The following LHFPL4 variants were observed in gnomAD, a reference collection of about 807,000 sequenced individuals.
The protein encoded by LHFPL4 is LHFPL tetraspan subfamily member 4.
LHFPL4 carries 6 observed loss-of-function variants against 20.0 expected under a neutral mutation model. That is an observed-to-expected ratio of 0.30 (90% CI 0.16 to 0.59). The LOEUF (loss-of-function observed/expected upper bound fraction) is 0.59, where lower values mean the gene tolerates loss of function less well. LHFPL4 is among the 20% of genes least tolerant of loss of function. The pLI, the probability that LHFPL4 is intolerant of heterozygous loss-of-function variation, is 0.88. For missense variants in LHFPL4, 215 were observed against 331.2 expected, an observed-to-expected ratio of 0.65 and a Z score of 2.72; for synonymous variants, 129 against 143.8, an observed-to-expected ratio of 0.90 and a Z score of 0.74.
chr3:9,512,941 AT>A (rs1286588259), intron 2 of LHFPL4, among the ~76,000 whole-genome samples: 1 of 151,128 alleles, frequency 6.6e-6, no homozygotes, highest in East Asian at 1.9e-4. Context: ...ACTCTAGGAC[AT>A]TTTTTTGTTT....
chr3:9,523,362 C>T lies in LHFPL4; in HGVS notation c.407-17159G>A, dbSNP rs558081044. On this transcript the variant is annotated intron_variant, in intron 2 of 3. Transcript: ENST00000287585. Reference sequence around the variant, plus strand: ...CGCCACTGGACTGTAGCTTGGGAGACAGAGTGAGACTTCGTCTCAAAAAAA... The same window carrying T: ...CGCCACTGGACTGTAGCTTGGGAGATAGAGTGAGACTTCGTCTCAAAAAAA... Among the ~76,000 whole-genome samples the T allele has an allele frequency of 2.1e-5, 3 of 144,444 alleles. No individual in the cohort carries two copies. In the Admixed American group the frequency reaches 2.1e-4, roughly 10 times the overall value. The allele number at this position is 144,444 out of a possible 152,430, so 94.8% of individuals were successfully genotyped here. A position where few individuals can be genotyped will look rare whatever the true frequency, so the allele number is the denominator to read the frequency against.
At chr3:9,523,986 C>CCA (rs1553647636) in intron 2 of LHFPL4, among the ~76,000 whole-genome samples, 2 of 134,004 alleles carry the variant, frequency 1.5e-5, no homozygotes, top group African/African-American at 2.8e-5. Flanking sequence ...TAGTATTTCC[C>CCA]CCCCCCCCAA....
Position 9,552,356 on chromosome 3 carries a change from G to A in LHFPL4, c.324C>T (p.Gly108=). The change falls in exon 2 of 4, where the codon GGC becomes GGT. Residue 108 remains glycine (G), a synonymous_variant. Coordinates refer to ENST00000287585, the MANE Select transcript of LHFPL4 (RefSeq NM_198560.3). ...AGAAAAGCGAAAAGCAGGTGATGCA[G>A]CCGAGGATCAGCACCATGGAGAGCA... The part of the protein sequence containing the change: ...FVLLSMVLIL[G]CITCFSLFFF... The A allele has an allele frequency of 6.2e-7, 1 of 1,613,942 alleles. No homozygotes were observed. Among genetic ancestry groups the A allele is most frequent in the Non-Finnish European group, 8.5e-7 (1 of 1,179,950 alleles).
intron 2 of LHFPL4, among the ~76,000 whole-genome samples, chr3:9,523,123 C>T (rs1574844978): frequency 7.1e-6 from 1 of 140,750 alleles, no homozygotes; most frequent in Non-Finnish European, 1.6e-5. Context: ...AGCAAGCAAG[C>T]AAGCAAGCAA....
intron 2 of LHFPL4, among the ~76,000 whole-genome samples, chr3:9,522,383 A>T (rs2046343818): frequency 6.6e-6 from 1 of 152,214 alleles, no homozygotes; most frequent in Non-Finnish European, 1.5e-5. Flanking sequence ...GTGTATGTGT[A>T]TAATTGAAAA....
At chr3:9,517,591 G>C (rs939894888) in intron 2 of LHFPL4, among the ~76,000 whole-genome samples, 1 of 151,094 alleles carries the variant, frequency 6.6e-6, no homozygotes, top group African/African-American at 2.4e-5. Context: ...AGCTACTCAG[G>C]GGGCTAAGGT....
rs1200158493 is a variant in LHFPL4 at position 9,502,104 on chromosome 3, TA to T, written c.*106del. 2.0e-5 allele frequency: 16 copies of T among 801,792 alleles called. No individual in the cohort carries two copies. In the Admixed American group the frequency reaches 2.7e-4, roughly 13 times the overall value. 49.7% of individuals were successfully genotyped at this position (801,792 alleles called of 1,614,324 possible). ...AGCTTGCAGGGTAGTCGGTGAGAAG[TA>T]AGTCTGAGATCAGGGTCTTCCCTCA... On this transcript the variant is annotated 3_prime_UTR_variant, in exon 4 of 4. Coordinates refer to ENST00000287585, the MANE Select transcript of LHFPL4 (RefSeq NM_198560.3).
At chr3:9,527,294 C>A (rs1382034772) in intron 2 of LHFPL4, among the ~76,000 whole-genome samples, 1 of 152,126 alleles carries the variant, frequency 6.6e-6, no homozygotes, top group Non-Finnish European at 1.5e-5. Context: ...TTTGACCAGG[C>A]ATCGTGGCTC....
chr3:9,502,014 C>G lies in LHFPL4; in HGVS notation c.*197G>C. 1.6e-6 allele frequency: 1 copy of G among 607,924 alleles called. No individual in the cohort carries two copies. The highest frequency in any genetic ancestry group is 3.0e-6 in the Non-Finnish European group (1 of 337,076). The allele number at this position is 607,924 out of a possible 1,614,324, so 37.7% of individuals were successfully genotyped here. On this transcript the variant is annotated 3_prime_UTR_variant, in exon 4 of 4. Coordinates refer to ENST00000287585, the MANE Select transcript of LHFPL4 (RefSeq NM_198560.3). Reference sequence around the variant, plus strand: ...GGGAGGAGCAAGAATTAGACCCTCCCAAGGTTTGGAGGGCCTCTCCTCTCC... The same window carrying G: ...GGGAGGAGCAAGAATTAGACCCTCCGAAGGTTTGGAGGGCCTCTCCTCTCC...
chr3:9,544,897 C>A (rs1216968356), intron 2 of LHFPL4, among the ~76,000 whole-genome samples: 1 of 152,128 alleles, frequency 6.6e-6, no homozygotes, highest in African/African-American at 2.4e-5. Flanking sequence ...TTGGAAGTCC[C>A]CTCCCTGCCC....
intron 1 of LHFPL4, among the ~76,000 whole-genome samples, chr3:9,553,060 G>A (rs2046567593): frequency 1.3e-5 from 2 of 151,616 alleles, no homozygotes; most frequent in African/African-American, 4.8e-5. Flanking sequence ...ACGGGAGTAG[G>A]AGGGGACAAG....
chr3:9,537,867 C>T (rs2046452981), intron 2 of LHFPL4, among the ~76,000 whole-genome samples: 1 of 152,110 alleles, frequency 6.6e-6, no homozygotes, highest in Non-Finnish European at 1.5e-5. Flanking sequence ...AAATCGCCAT[C>T]CACAGCTGAG....
At chr3:9,549,341 T>C (rs747146117) in intron 2 of LHFPL4, among the ~76,000 whole-genome samples, 1 of 152,206 alleles carries the variant, frequency 6.6e-6, no homozygotes, top group Non-Finnish European at 1.5e-5. Flanking sequence ...AATATCTTTT[T>C]GTATTTTCCC....
intron 2 of LHFPL4, among the ~76,000 whole-genome samples, chr3:9,541,453 C>T (rs1347397752): frequency 6.6e-6 from 1 of 152,136 alleles, no homozygotes; most frequent in Non-Finnish European, 1.5e-5. Context: ...CCCTGTATGT[C>T]ACACCGTATA....
At position 9,499,085 on chromosome 3, in the gene LHFPL4, T is replaced by A. The variant is rs993586237; in HGVS notation, c.*3126A>T. ...CTGATCACAGTTAGGGGGGTCACAGTTAGGGGGGGACTTCTCTTGGGACCT... is the reference window on the plus strand; with the variant it reads ...CTGATCACAGTTAGGGGGGTCACAGATAGGGGGGGACTTCTCTTGGGACCT... On this transcript the variant is annotated 3_prime_UTR_variant, in exon 4 of 4. Transcript: ENST00000287585. 28 of 153,454 alleles carry A rather than the reference T, an allele frequency of 1.8e-4. No individual in the cohort carries two copies. Among genetic ancestry groups the A allele is most frequent in the African/African-American group, 6.8e-4 (28 of 41,420 alleles). 9.5% of individuals were successfully genotyped at this position (153,454 alleles called of 1,614,324 possible).
At chr3:9,519,827 T>C (rs1028819764) in intron 2 of LHFPL4, among the ~76,000 whole-genome samples, 4 of 151,974 alleles carry the variant, frequency 2.6e-5, no homozygotes, top group African/African-American at 9.7e-5. Context: ...AGCTGGCTAA[T>C]TTTTTATTTC....
chr3:9,522,131 T>C (rs1452286516), intron 2 of LHFPL4, among the ~76,000 whole-genome samples: 1 of 152,034 alleles, frequency 6.6e-6, no homozygotes, highest in East Asian at 1.9e-4. Context: ...ACTATACCAC[T>C]TCACAGGCAG....
At chr3:9,547,895 T>A (rs2046526571) in intron 2 of LHFPL4, among the ~76,000 whole-genome samples, 2 of 152,272 alleles carry the variant, frequency 1.3e-5, no homozygotes, top group African/African-American at 2.4e-5. Flanking sequence ...AACCTCCGCC[T>A]CCCAGGCTCA....
At chr3:9,510,736 G>C (rs369548987) in intron 2 of LHFPL4, among the ~76,000 whole-genome samples, 2 of 151,916 alleles carry the variant, frequency 1.3e-5, no homozygotes, top group Non-Finnish European at 2.9e-5. Context: ...TCAGGAGTTC[G>C]AGACCAGCCT....
Sources: gnomAD v4.1 joint callset for allele counts (sites outside exome capture counted in the v4.1 genomes callset) on GRCh38, gnomAD v4.1.1 for gene constraint, MANE v1.5 for transcripts, NCBI Gene and HGNC (gene_info 2026-07-23, HGNC 2026-07-21) for gene names.